The following CNTNAP2 variants were observed in gnomAD, a reference collection of about 807,000 sequenced individuals.
CNTNAP2 encodes contactin associated protein 2.
CNTNAP2 carries 98 observed loss-of-function variants against 155.2 expected under a neutral mutation model. That is an observed-to-expected ratio of 0.63 (90% CI 0.54 to 0.75). The LOEUF (loss-of-function observed/expected upper bound fraction) is 0.75. Among genes scored for constraint, CNTNAP2 ranks in the 30% least tolerant of loss-of-function variants. The pLI is 0.00. For synonymous variants in CNTNAP2, 651 were observed against 631.2 expected (o/e 1.03, Z -0.47); for missense variants, 1,727 against 1,688.1 (o/e 1.02, Z -0.40).
At chr7:148,139,800 A>G (rs1805025215) in intron 16 of CNTNAP2, among the ~76,000 whole-genome samples, 1 of 152,082 alleles carries the variant, frequency 6.6e-6, no homozygotes, top group Non-Finnish European at 1.5e-5. Context: ...CGGCCTCCCA[A>G]AGTGCTGGGA....
chr7:146,959,328 C>T (rs113183001), intron 3 of CNTNAP2, among the ~76,000 whole-genome samples: 5 of 152,020 alleles, frequency 3.3e-5, no homozygotes, highest in Non-Finnish European at 7.4e-5. Context: ...TAACCTGTAG[C>T]GAGAAAAGAT....
intron 16 of CNTNAP2, among the ~76,000 whole-genome samples, chr7:148,129,721 T>C (rs1804788484): frequency 6.6e-6 from 1 of 152,218 alleles, no homozygotes; most frequent in Admixed American, 6.5e-5. Context: ...CTTTATCATA[T>C]CCACTTGTAA....
chr7:147,942,914 G>A (rs1156715072), intron 14 of CNTNAP2, among the ~76,000 whole-genome samples: 1 of 152,046 alleles, frequency 6.6e-6, no homozygotes, highest in African/African-American at 2.4e-5. Flanking sequence ...GCGGGTGCCT[G>A]TAGTCCCAGC....
chr7:147,746,109 C>A (rs1389398092), intron 13 of CNTNAP2, among the ~76,000 whole-genome samples: 1 of 152,196 alleles, frequency 6.6e-6, no homozygotes, highest in South Asian at 2.1e-4. Flanking sequence ...GCATATCTTG[C>A]ACATTTTACC....
At chr7:147,516,848 C>CTTTTTTTT (rs1221666617) in intron 11 of CNTNAP2, among the ~76,000 whole-genome samples, 49 of 112,616 alleles carry the variant, frequency 4.4e-4, no homozygotes, top group African/African-American at 1.6e-3. Context: ...TCTTTCTTTT[C>CTTTTTTTT]TTTTTTTTTT....
intron 11 of CNTNAP2, among the ~76,000 whole-genome samples, chr7:147,508,592 C>A (rs731595): frequency 0.41 from 62,787 of 152,020 alleles, 13,154 homozygotes; most frequent in South Asian, 0.5. Context: ...TCCGGATATT[C>A]TTTGGCTGTG....
chr7:147,236,506 T>C (rs1200058510), intron 8 of CNTNAP2, among the ~76,000 whole-genome samples: 1 of 151,862 alleles, frequency 6.6e-6, no homozygotes, highest in African/African-American at 2.4e-5. Flanking sequence ...TTCACTGGAG[T>C]CTGTAAATTT....
intron 17 of CNTNAP2, among the ~76,000 whole-genome samples, chr7:148,164,612 T>TC (rs1491403158): frequency 5.6e-4 from 28 of 49,802 alleles, no homozygotes; most frequent in African/African-American, 3.7e-3. Context: ...TTTCTCTCTC[T>TC]TTTTTTTTTT....
chr7:147,767,671 C>T (rs1160338538), intron 13 of CNTNAP2, among the ~76,000 whole-genome samples: 8 of 151,540 alleles, frequency 5.3e-5, no homozygotes, highest in Non-Finnish European at 1.0e-4. Flanking sequence ...TTGGGAGTAC[C>T]GAGAGAATGA....
At chr7:147,545,049 ATATG>A (rs1799706838) in intron 11 of CNTNAP2, among the ~76,000 whole-genome samples, 1 of 152,176 alleles carries the variant, frequency 6.6e-6, no homozygotes, top group Non-Finnish European at 1.5e-5. Flanking sequence ...ATAGACATAT[ATATG>A]TATGTATACA....
chr7:146,276,631 G>T (rs1800169216), intron 1 of CNTNAP2, among the ~76,000 whole-genome samples: 1 of 152,174 alleles, frequency 6.6e-6, no homozygotes, highest in African/African-American at 2.4e-5. Flanking sequence ...TCAGGCTGCT[G>T]AAGCCATAGC....
intron 2 of CNTNAP2, among the ~76,000 whole-genome samples, chr7:146,821,381 AT>A (rs1194148312): frequency 6.6e-6 from 1 of 152,010 alleles, no homozygotes; most frequent in Non-Finnish European, 1.5e-5. Flanking sequence ...ATCTCTCAGC[AT>A]TTGCTTGTCT....
intron 15 of CNTNAP2, among the ~76,000 whole-genome samples, chr7:148,036,196 G>C (rs1563175791): frequency 6.6e-6 from 1 of 152,182 alleles, no homozygotes. Context: ...TTGGGGCTGG[G>C]ATGAGTGAAG....
chr7:147,959,671 T>C (rs1801082621), intron 14 of CNTNAP2, among the ~76,000 whole-genome samples: 1 of 152,118 alleles, frequency 6.6e-6, no homozygotes, highest in Non-Finnish European at 1.5e-5. Flanking sequence ...GGGTAGTAAC[T>C]TTGGGGTCAT....
chr7:147,079,626 CTAA>C (rs943701213), intron 4 of CNTNAP2, among the ~76,000 whole-genome samples: 1 of 149,692 alleles, frequency 6.7e-6, no homozygotes, highest in African/African-American at 2.4e-5. Context: ...AATAATAATG[CTAA>C]TAATAATAAA....
chr7:147,328,668 A>G (rs1795503084), intron 9 of CNTNAP2, among the ~76,000 whole-genome samples: 1 of 152,252 alleles, frequency 6.6e-6, no homozygotes, highest in Admixed American at 6.5e-5. Flanking sequence ...TTCTTTTAAT[A>G]GAATTGGTAG....
chr7:147,119,652 A>G (rs1301915742), intron 5 of CNTNAP2, among the ~76,000 whole-genome samples: 1 of 152,120 alleles, frequency 6.6e-6, no homozygotes, highest in Non-Finnish European at 1.5e-5. Flanking sequence ...AAAGAAGAAA[A>G]TATGTTCTAG....
intron 1 of CNTNAP2, among the ~76,000 whole-genome samples, chr7:146,376,287 G>T (rs147758771): frequency 6.6e-6 from 1 of 151,956 alleles, no homozygotes; most frequent in Non-Finnish European, 1.5e-5. Flanking sequence ...CTTGTGCTCC[G>T]AATTCCTTAC....
chr7:146,986,004 AT>A (rs532698093), intron 3 of CNTNAP2, among the ~76,000 whole-genome samples: 159 of 151,952 alleles, frequency 1.0e-3, no homozygotes, highest in Middle Eastern at 3.4e-3. Flanking sequence ...TTTAATTTTA[AT>A]TTTTTTTATT....
Sources: allele counts gnomAD v4.1 joint callset (sites outside exome capture counted in the v4.1 genomes callset), GRCh38; gene constraint gnomAD v4.1.1; transcripts MANE v1.5; gene names NCBI Gene and HGNC (gene_info 2026-07-23, HGNC 2026-07-21).